The following ST6GAL1 variants were observed in gnomAD, a reference collection of about 807,000 sequenced individuals.
ST6GAL1 encodes beta-galactoside alpha-2,6-sialyltransferase 1.
ST6GAL1 carries 20 observed loss-of-function variants against 38.0 expected under a neutral mutation model. That is an observed-to-expected ratio of 0.53 (90% CI 0.37 to 0.77). The LOEUF (loss-of-function observed/expected upper bound fraction) is 0.77, where lower values mean the gene tolerates loss of function less well. Ranked by LOEUF, ST6GAL1 falls within the 30% of genes least tolerant of loss-of-function variation. ST6GAL1 has a pLI of 0.00. For synonymous variants in ST6GAL1, 196 were observed against 188.2 expected, an observed-to-expected ratio of 1.04 and a Z score of -0.34; for missense variants, 432 against 496.4, an observed-to-expected ratio of 0.87 and a Z score of 1.23.
At chr3:187,058,904 G>C (rs570827210) in intron 5 of ST6GAL1, among the ~76,000 whole-genome samples, 51 of 152,206 alleles carry the variant, frequency 3.4e-4, no homozygotes, top group African/African-American at 1.2e-3. Context: ...GCCTCCTGAA[G>C]TGTTAGTATT....
At chr3:187,006,479 G>A (rs1030577027) in intron 2 of ST6GAL1, 2 of 152,190 alleles carry the variant, frequency 1.3e-5, no homozygotes, top group Admixed American at 1.3e-4. Flanking sequence ...TCCCTGCATA[G>A]GGTTCTCTCA....
intron 3 of ST6GAL1, among the ~76,000 whole-genome samples, chr3:187,040,505 G>A (rs1017437263): frequency 4.6e-5 from 7 of 152,218 alleles, no homozygotes; most frequent in African/African-American, 1.7e-4. Flanking sequence ...GTTGACATTG[G>A]AGAAACCCTA....
chr3:186,953,710 C>T (rs912213681), intron 1 of ST6GAL1, among the ~76,000 whole-genome samples: 6 of 152,118 alleles, frequency 3.9e-5, no homozygotes, highest in African/African-American at 9.7e-5. Flanking sequence ...AGGCATAATC[C>T]ACATTTGTTG....
intron 2 of ST6GAL1, among the ~76,000 whole-genome samples, chr3:187,002,344 A>C (rs962495764): frequency 1.3e-5 from 2 of 152,358 alleles, no homozygotes; most frequent in African/African-American, 4.8e-5. Flanking sequence ...GCACAGATCA[A>C]AGTTGTCTAC....
chr3:187,022,806 T>C (rs1717377833), intron 2 of ST6GAL1, among the ~76,000 whole-genome samples: 1 of 152,350 alleles, frequency 6.6e-6, no homozygotes, highest in African/African-American at 2.4e-5. Context: ...TGTCATGTGA[T>C]ACTATACCAG....
chr3:186,980,603 CAAAAAAAA>C (rs34503745), intron 2 of ST6GAL1, among the ~76,000 whole-genome samples: 4 of 92,170 alleles, frequency 4.3e-5, no homozygotes, highest in East Asian at 3.8e-4. Context: ...ACTAAAATTA[CAAAAAAAA>C]AAAAAAAAAA....
At chr3:187,028,134 C>T (rs1236289404) in intron 2 of ST6GAL1, among the ~76,000 whole-genome samples, 1 of 152,038 alleles carries the variant, frequency 6.6e-6, no homozygotes, top group African/African-American at 2.4e-5. Context: ...TATGGACTGT[C>T]TTTCAAGGAG....
intron 6 of ST6GAL1, among the ~76,000 whole-genome samples, 172 bp downstream of exon 6, chr3:187,073,119 T>A (rs1719442615): frequency 6.6e-6 from 1 of 152,218 alleles, no homozygotes; most frequent in Admixed American, 6.5e-5. Context: ...AGTATTCCTG[T>A]CCTATACCAG....
At position 187,014,468 on chromosome 3, in the gene ST6GAL1, A is replaced by G. The variant is rs116552017; in HGVS notation, c.-182-24274A>G. On this transcript the variant is annotated intron_variant, in intron 2 of 7. Coordinates refer to ENST00000169298, the MANE Select transcript of ST6GAL1 (RefSeq NM_173216.2). ...ATGTGGTCAAAACAGGCAACTTCAC[A>G]GCTCTGCCTTTCCCAGGCCAGCACT... Among the ~76,000 whole-genome samples the G allele has an allele frequency of 5.6e-3, 855 of 152,368 alleles. 10 individuals carry two copies. Among genetic ancestry groups the G allele is most frequent in the African/African-American group, 0.019 (809 of 41,580 alleles).
At chr3:187,030,345 T>TG (rs1259392107) in intron 2 of ST6GAL1, among the ~76,000 whole-genome samples, 3 of 152,226 alleles carry the variant, frequency 2.0e-5, no homozygotes, top group Admixed American at 2.0e-4. Flanking sequence ...GTCTAACACT[T>TG]GCTAGAGGCA....
At chr3:187,042,359 A>G (rs746596741) in intron 3 of ST6GAL1, among the ~76,000 whole-genome samples, 1 of 152,174 alleles carries the variant, frequency 6.6e-6, no homozygotes. Flanking sequence ...AGAAACTAAT[A>G]TTCAGCATAG....
chr3:186,938,347 A>G (rs950285986), intron 1 of ST6GAL1, among the ~76,000 whole-genome samples: 3 of 152,206 alleles, frequency 2.0e-5, no homozygotes, highest in Non-Finnish European at 4.4e-5. Context: ...TGGACAAGCT[A>G]CTTAAGCTTA....
intron 5 of ST6GAL1, among the ~76,000 whole-genome samples, chr3:187,067,116 A>G (rs1391376329): frequency 9.3e-6 from 1 of 107,846 alleles, no homozygotes; most frequent in Non-Finnish European, 1.8e-5. Flanking sequence ...TTGGAGACAG[A>G]GTCTCTGTCA....
At position 186,992,785 on chromosome 3, in the gene ST6GAL1, G is replaced by C. The variant is rs910433370; in HGVS notation, c.-183+28859G>C. Among the ~76,000 whole-genome samples the C allele has an allele frequency of 1.0e-4, 15 of 150,210 alleles. 1 individual carries two copies. The highest frequency in any genetic ancestry group is 2.9e-4 in the African/African-American group (12 of 40,724). On this transcript the variant is annotated intron_variant, in intron 2 of 7. Transcript: ENST00000169298. ...TACGCTAGCTTGGGCAACAGAGTGA[G>C]ACTCTGTCTCAAAAACAACAACAAC...
rs565491117 is a variant in ST6GAL1, at chr3:186,962,956, T to TA, written c.-324-823dup. ...CATGCCTAGCTTTATTACATCTTTA[T>TA]AAAAAATCTGAAAAATAAAAACAAG... is the stretch of plus-strand genomic sequence containing the variant. On this transcript the variant is annotated intron_variant, in intron 1 of 7. Transcript: ENST00000169298. 2.0e-4 allele frequency among the ~76,000 whole-genome samples: 31 copies of TA among 152,252 alleles called. No homozygotes were observed. The South Asian group carries it at 5.6e-3, about 28-fold the overall frequency.
rs115857664 is a variant in ST6GAL1 at position 187,024,126 on chromosome 3, G to A, written c.-182-14616G>A. Among the ~76,000 whole-genome samples, 853 of 151,390 alleles carry A rather than the reference G, an allele frequency of 5.6e-3. 8 individuals carry two copies. Among genetic ancestry groups the A allele is most frequent in the African/African-American group, 0.02 (806 of 41,280 alleles). ...TGTTTGTTTTTTGAGACAAAGTCTC[G>A]CTGTGTCACCCAGGATGGAGTACAG... On this transcript the variant is annotated intron_variant, in intron 2 of 7. Coordinates refer to ENST00000169298, the MANE Select transcript of ST6GAL1 (RefSeq NM_173216.2).
At chr3:187,058,706 A>T (rs967253440) in intron 5 of ST6GAL1, among the ~76,000 whole-genome samples, 1 of 151,756 alleles carries the variant, frequency 6.6e-6, no homozygotes, top group African/African-American at 2.4e-5. Flanking sequence ...CAGTGGTGTG[A>T]TCTTGGCTTA....
At chr3:186,981,867 A>G (rs1413710523) in intron 2 of ST6GAL1, among the ~76,000 whole-genome samples, 2 of 152,212 alleles carry the variant, frequency 1.3e-5, no homozygotes, top group Non-Finnish European at 2.9e-5. Flanking sequence ...ACCACCCTTG[A>G]ATACCTCCTT....
intron 1 of ST6GAL1, among the ~76,000 whole-genome samples, chr3:186,938,972 AG>A (rs1714064092): frequency 8.3e-6 from 1 of 120,214 alleles, no homozygotes; most frequent in African/African-American, 3.1e-5. Flanking sequence ...ATGTGTGTGT[AG>A]GGAGGATTGG....
Sources: allele counts gnomAD v4.1 joint callset (sites outside exome capture counted in the v4.1 genomes callset), GRCh38; gene constraint gnomAD v4.1.1; transcripts MANE v1.5; gene names NCBI Gene and HGNC (gene_info 2026-07-23, HGNC 2026-07-21).